EGFLAM: variants seen among roughly 807,000 people sequenced by gnomAD.
The protein encoded by EGFLAM is pikachurin.
EGFLAM carries 79 observed loss-of-function variants against 113.1 expected under a neutral mutation model. That is an observed-to-expected ratio of 0.70 (90% confidence interval 0.58 to 0.84). EGFLAM has a LOEUF of 0.84. Among genes scored for constraint, EGFLAM ranks in the 40% least tolerant of loss-of-function variants. EGFLAM has a pLI of 0.00. For synonymous variants in EGFLAM, 504 were observed against 487.6 expected (o/e 1.03, Z -0.44); for missense variants, 1,265 against 1,291.6 (o/e 0.98, Z 0.32).
rs777840640 is a variant in EGFLAM at position 38,258,796 on chromosome 5, G to C, written c.42G>C (p.Leu14=). Residue 14 remains leucine (L), a synonymous_variant, in exon 1 of 22, where the codon CTG becomes CTC. Transcript: ENST00000322350. Reference sequence around the variant, plus strand: ...GCGTCTTGCTCCGGCTCCTGCTCCTGGCTTCCAGCCTCGGACCCGGCGCGG... The same window carrying C: ...GCGTCTTGCTCCGGCTCCTGCTCCTCGCTTCCAGCCTCGGACCCGGCGCGG... The part of the protein sequence containing the change: ...IRGVLLRLLL[L]ASSLGPGAVS... 1 of 1,612,592 alleles carries C rather than the reference G, an allele frequency of 6.2e-7. No individual in the cohort carries two copies. The highest frequency in any genetic ancestry group is 8.5e-7 in the Non-Finnish European group (1 of 1,179,638).
At chr5:38,380,464 G>A (rs1365809721) in intron 6 of EGFLAM, among the ~76,000 whole-genome samples, 1 of 152,164 alleles carries the variant, frequency 6.6e-6, no homozygotes, top group Admixed American at 6.6e-5. Flanking sequence ...GCAAACTGAG[G>A]AAGAGGTTCC....
chr5:38,425,755 G>T (rs561962790), intron 13 of EGFLAM, among the ~76,000 whole-genome samples: 1 of 152,300 alleles, frequency 6.6e-6, no homozygotes, highest in Non-Finnish European at 1.5e-5. Context: ...TATTGGTATG[G>T]TTTGTATCAG....
At chr5:38,298,142 G>T (rs1758490714) in intron 1 of EGFLAM, among the ~76,000 whole-genome samples, 1 of 152,190 alleles carries the variant, frequency 6.6e-6, no homozygotes, top group Non-Finnish European at 1.5e-5. Context: ...GAGCAGGGGG[G>T]AGATGGTTTT....
intron 1 of EGFLAM, among the ~76,000 whole-genome samples, chr5:38,310,093 C>T (rs961689023): frequency 1.3e-5 from 2 of 152,200 alleles, no homozygotes; most frequent in African/African-American, 4.8e-5. Flanking sequence ...CCTAGAGCAA[C>T]AGTCAAGTCT....
intron 10 of EGFLAM, among the ~76,000 whole-genome samples, chr5:38,410,558 C>T (rs1239530495): frequency 2.0e-5 from 3 of 152,112 alleles, no homozygotes; most frequent in South Asian, 2.1e-4. Flanking sequence ...ATGCCGGCTA[C>T]GACTCCTTCC....
chr5:38,463,877 G>T lies in EGFLAM; in HGVS notation c.2921G>T (p.Arg974Ile). 1.2e-6 allele frequency: 2 copies of T among 1,614,200 alleles called. No homozygotes were observed. The highest frequency in any genetic ancestry group is 1.7e-6 in the Non-Finnish European group (2 of 1,180,046). Reference sequence around the variant, plus strand: ...CTGCACACTAACAGGCAATATATGAGAGGGCTCGTGGGCTGTATCTCTCAC... The same window carrying T: ...CTGCACACTAACAGGCAATATATGATAGGGCTCGTGGGCTGTATCTCTCAC... Reference protein sequence around the residue: ...IALHTNRQYMRGLVGCISHFT... With the variant: ...IALHTNRQYMIGLVGCISHFT... Residue 974 changes from arginine (R) to isoleucine (I), a missense_variant, in exon 22 of 22, where the codon AGA becomes ATA. Arg to Ile is a moderately conservative substitution (Grantham distance 97). Coordinates refer to ENST00000322350, the MANE Select transcript of EGFLAM (RefSeq NM_152403.4).
intron 16 of EGFLAM, among the ~76,000 whole-genome samples, chr5:38,435,493 T>G (rs1579927872): frequency 6.6e-6 from 1 of 152,318 alleles, no homozygotes; most frequent in South Asian, 2.1e-4. Flanking sequence ...GATGATGAAT[T>G]TTTATGGCAA....
intron 13 of EGFLAM, 68 bp from the exon 14 acceptor site, chr5:38,426,941 A>G: frequency 1.3e-6 from 2 of 1,581,114 alleles, no homozygotes; most frequent in Non-Finnish European, 1.7e-6. Context: ...GAAAGAACAC[A>G]GCTATGGGTG....
chr5:38,292,125 G>A (rs545331750), intron 1 of EGFLAM, among the ~76,000 whole-genome samples: 1 of 152,256 alleles, frequency 6.6e-6, no homozygotes, highest in Non-Finnish European at 1.5e-5. Context: ...AAGATAAGTG[G>A]CCTTTCTCAT....
chr5:38,424,477 C>A (rs941460167), intron 12 of EGFLAM, among the ~76,000 whole-genome samples: 4 of 152,224 alleles, frequency 2.6e-5, no homozygotes, highest in Admixed American at 2.0e-4. Context: ...TCAGCTTAGA[C>A]GTGGCTGGGT....
chr5:38,353,974 C>T (rs917721389), intron 5 of EGFLAM, among the ~76,000 whole-genome samples: 3 of 152,112 alleles, frequency 2.0e-5, no homozygotes, highest in Non-Finnish European at 4.4e-5. Flanking sequence ...CACTGTGACC[C>T]GAGTGGGAGA....
intron 3 of EGFLAM, among the ~76,000 whole-genome samples, chr5:38,343,571 C>T (rs369526433): frequency 2.0e-5 from 3 of 152,158 alleles, no homozygotes; most frequent in East Asian, 1.9e-4. Context: ...GCCTCCAAAG[C>T]CAATGCTGCC....
chr5:38,435,092 T>C (rs530827768), intron 15 of EGFLAM, 45 bp from the exon 16 acceptor site: 11 of 1,526,730 alleles, frequency 7.2e-6, no homozygotes, highest in African/African-American at 6.8e-5. Flanking sequence ...ATTTTGAACA[T>C]CTGTTTTAAA....
intron 6 of EGFLAM, among the ~76,000 whole-genome samples, chr5:38,380,126 C>T (rs1310172530): frequency 6.6e-6 from 1 of 152,194 alleles, no homozygotes; most frequent in Non-Finnish European, 1.5e-5. Context: ...ACTTTTTCCC[C>T]AGCCCCTAAA....
chr5:38,458,895 C>T (rs1432497011), intron 20 of EGFLAM, among the ~76,000 whole-genome samples: 8 of 151,740 alleles, frequency 5.3e-5, no homozygotes, highest in African/African-American at 1.5e-4. Context: ...GTGGGAGGAC[C>T]GCTTAAGCCT....
intron 9 of EGFLAM, among the ~76,000 whole-genome samples, chr5:38,408,411 C>T (rs1741363455): frequency 6.6e-6 from 1 of 152,154 alleles, no homozygotes; most frequent in East Asian, 1.9e-4. Flanking sequence ...GTGACCTCAG[C>T]TTAAACTGAT....
At chr5:38,381,505 T>A (rs182826879) in intron 6 of EGFLAM, among the ~76,000 whole-genome samples, 1 of 152,184 alleles carries the variant, frequency 6.6e-6, no homozygotes, top group Non-Finnish European at 1.5e-5. Flanking sequence ...ATCTCAGTAG[T>A]CATCAGGCTC....
chr5:38,327,508 A>C (rs1306504385), intron 1 of EGFLAM, among the ~76,000 whole-genome samples: 1 of 152,236 alleles, frequency 6.6e-6, no homozygotes, highest in East Asian at 1.9e-4. Context: ...TTTCAAATGA[A>C]CATATTAAAT....
Position 38,464,076 on chromosome 5 carries a change from C to T in EGFLAM, c.*90C>T, listed in dbSNP as rs2112305226. On this transcript the variant is annotated 3_prime_UTR_variant, in exon 22 of 22. Transcript: ENST00000322350. ...CTGCCTGATGCTATATGCAGAGGCC[C>T]AGGGACCAGGTGTGTTTCCTCTCAC... 6.6e-7 allele frequency: 1 copy of T among 1,507,468 alleles called. No individual in the cohort carries two copies. The highest frequency in any genetic ancestry group is 2.3e-5 in the East Asian group (1 of 43,932). 93.4% of individuals were successfully genotyped at this position (1,507,468 alleles called of 1,614,324 possible).
Sources: gnomAD v4.1 joint callset for allele counts (sites outside exome capture counted in the v4.1 genomes callset) on GRCh38, gnomAD v4.1.1 for gene constraint, MANE v1.5 for transcripts, NCBI Gene and HGNC (gene_info 2026-07-23, HGNC 2026-07-21) for gene names.